DICER1: variants seen among roughly 807,000 people sequenced by gnomAD.
The protein encoded by DICER1 is endoribonuclease Dicer.
DICER1 carries 43 observed loss-of-function variants against 194.1 expected under a neutral mutation model. That is an observed-to-expected ratio of 0.22 (90% CI 0.17 to 0.29). The LOEUF is 0.29. DICER1 is among the 10% of genes least tolerant of loss of function. DICER1 has a pLI of 1.00. For missense variants in DICER1, 1,608 were observed against 2,317.0 expected (o/e 0.69, Z 6.28); for synonymous variants, 832 against 820.5 (o/e 1.01, Z -0.24).
chr14:95,129,837 C>T lies in DICER1; in HGVS notation c.574-205G>A, dbSNP rs929290166. Among the ~76,000 whole-genome samples, 8 of 152,030 alleles carry T rather than the reference C, an allele frequency of 5.3e-5. No homozygotes were observed. In the South Asian group the frequency reaches 1.0e-3, roughly 20 times the overall value. On this transcript the variant is annotated intron_variant, in intron 5 of 26. Transcript: ENST00000343455. The stretch of plus-strand genomic sequence containing the variant: ...TTAAAAGATCTGTTTTTCAAAAAGG[C>T]TCAATTAGATACACTATGAAAATTA...
chr14:95,090,781 AG>A, intron 26 of DICER1, 118 bp from the exon 27 acceptor site: 1 of 1,274,034 alleles, frequency 7.8e-7, no homozygotes, highest in Non-Finnish European at 1.1e-6. Context: ...CACCACACAA[AG>A]GAAACACGCG....
rs1169107781 is a variant in DICER1, at chr14:95,090,467, T to G, written c.*31A>C. 6.2e-7 allele frequency: 1 copy of G among 1,611,800 alleles called. No homozygotes were observed. Among genetic ancestry groups the G allele is most frequent in the Admixed American group, 1.7e-5 (1 of 60,030 alleles). On this transcript the variant is annotated 3_prime_UTR_variant, in exon 27 of 27. Transcript: ENST00000343455. Reference sequence around the variant, plus strand: ...ATTTTCCCCTTAATTTTTTTTGTTTTGTTTCTTGTTTTGAATTTTAAAAAG... The same window carrying G: ...ATTTTCCCCTTAATTTTTTTTGTTTGGTTTCTTGTTTTGAATTTTAAAAAG...
At chr14:95,108,951 AT>A (rs2140039288) in intron 14 of DICER1, among the ~76,000 whole-genome samples, 1 of 152,324 alleles carries the variant, frequency 6.6e-6, no homozygotes, top group South Asian at 2.1e-4. Flanking sequence ...CTTTATTAAC[AT>A]TTTGATACAC....
intron 1 of DICER1, among the ~76,000 whole-genome samples, chr14:95,146,240 C>G (rs1198362661): frequency 6.6e-6 from 1 of 152,210 alleles, no homozygotes; most frequent in East Asian, 1.9e-4. Context: ...CCAGATAAAT[C>G]CAGGGACCGG....
At position 95,133,421 on chromosome 14, in the gene DICER1, C is replaced by CAACCTGCCATG. The variant is rs747934696; in HGVS notation, c.37_38insCATGGCAGGTT (p.Gly13AlafsTer9). On this transcript the variant is annotated frameshift_variant, in exon 2 of 27. Coordinates refer to ENST00000343455, the MANE Select transcript of DICER1 (RefSeq NM_177438.3). LOFTEE classifies it high-confidence loss of function. ...GGAAGCAGGGGTCATGAGCTGCAGG[C>CAACCTGCCATG]CTGCCATGCTGAGGGGTTGCAAAGC... 6.2e-7 allele frequency: 1 copy of CAACCTGCCATG among 1,613,988 alleles called. No individual in the cohort carries two copies. The highest frequency in any genetic ancestry group is 1.7e-5 in the Admixed American group (1 of 59,992).
chr14:95,108,593 T>C (rs1159271206), intron 14 of DICER1, 90 bp from the exon 15 acceptor site: 27 of 1,186,070 alleles, frequency 2.3e-5, no homozygotes, highest in Non-Finnish European at 3.3e-5. Context: ...ATTCTGGCTT[T>C]ACTAAAAGCT....
intron 1 of DICER1, among the ~76,000 whole-genome samples, chr14:95,147,563 C>CA (rs993977465): frequency 1.3e-5 from 2 of 152,228 alleles, no homozygotes; most frequent in Non-Finnish European, 2.9e-5. Context: ...CCTTTGTTCT[C>CA]ACACACCACA....
chr14:95,150,827 T>C (rs1192570715), intron 1 of DICER1, among the ~76,000 whole-genome samples: 2 of 152,230 alleles, frequency 1.3e-5, no homozygotes, highest in East Asian at 1.9e-4. Flanking sequence ...ATACCTAATG[T>C]AGTTTTCCTA....
At chr14:95,122,834 T>C (rs1464595557) in intron 8 of DICER1, among the ~76,000 whole-genome samples, 4 of 152,192 alleles carry the variant, frequency 2.6e-5, no homozygotes, top group African/African-American at 9.7e-5. Context: ...GACTAAAAAC[T>C]GCCAGATGAT....
intron 1 of DICER1, among the ~76,000 whole-genome samples, chr14:95,144,462 G>A (rs928404748): frequency 6.6e-6 from 1 of 152,046 alleles, no homozygotes; most frequent in Non-Finnish European, 1.5e-5. Context: ...TGACTATTAC[G>A]AGGATTACAC....
chr14:95,103,976 G>A lies in DICER1; in HGVS notation c.3420C>T (p.Thr1140=), dbSNP rs1891170537. The change falls in exon 21 of 27, where the codon ACC becomes ACT. Residue 1140 remains threonine (T), a synonymous_variant. Transcript: ENST00000343455. ...TTTGGTCATGATTTTCTAGAGAGGA[G>A]GTTCTATTAGCACCTTGATGTGCAG... ...ENAAHQGANR[T]SSLENHDQMS... 1 of 1,614,002 alleles carries A rather than the reference G, an allele frequency of 6.2e-7. No homozygotes were observed. Among genetic ancestry groups the A allele is most frequent in the South Asian group, 1.1e-5 (1 of 91,078 alleles).
At chr14:95,115,850 T>G in intron 10 of DICER1, 29 bp from the exon 11 acceptor site, 1 of 1,611,476 alleles carries the variant, frequency 6.2e-7, no homozygotes, top group Non-Finnish European at 8.5e-7. Flanking sequence ...GAACTTATGA[T>G]GAAAACACAT....
At chr14:95,101,703 T>C (rs1214291875) in intron 21 of DICER1, among the ~76,000 whole-genome samples, 1 of 152,158 alleles carries the variant, frequency 6.6e-6, no homozygotes, top group Admixed American at 6.5e-5. Context: ...TGGGAGGCCT[T>C]GGACACACTC....
At chr14:95,143,037 C>T (rs970771190) in intron 1 of DICER1, among the ~76,000 whole-genome samples, 6 of 152,174 alleles carry the variant, frequency 3.9e-5, no homozygotes, top group Non-Finnish European at 8.8e-5. Flanking sequence ...GATTTCATTC[C>T]TACTCTCACA....
chr14:95,121,708 C>T (rs755333261), intron 8 of DICER1, among the ~76,000 whole-genome samples: 1 of 152,168 alleles, frequency 6.6e-6, no homozygotes, highest in African/African-American at 2.4e-5. Flanking sequence ...GAAGGTCACA[C>T]ACTGATGCTT....
chr14:95,090,886 G>C lies in DICER1; in HGVS notation c.5603+148C>G, dbSNP rs978444727. 40 of 970,314 alleles carry C rather than the reference G, an allele frequency of 4.1e-5. 1 individual carries two copies. The highest frequency in any genetic ancestry group is 6.4e-4 in the Middle Eastern group (2 of 3,122). The allele number at this position is 970,314 out of a possible 1,614,324, so 60.1% of individuals were successfully genotyped here. Reference sequence around the variant, plus strand: ...TTCATAAAAACAGAAGGAAAAAAGAGAAGTCAATCAGATTACAAACAGAAA... The same window carrying C: ...TTCATAAAAACAGAAGGAAAAAAGACAAGTCAATCAGATTACAAACAGAAA... On this transcript the variant is annotated intron_variant, in intron 26 of 26. Coordinates refer to ENST00000343455, the MANE Select transcript of DICER1 (RefSeq NM_177438.3).
Position 95,090,125 on chromosome 14 carries a change from T to G in DICER1, c.*373A>C. 2 of 388,908 alleles carry G rather than the reference T, an allele frequency of 5.1e-6. No homozygotes were observed. Among genetic ancestry groups the G allele is most frequent in the Non-Finnish European group, 9.5e-6 (2 of 210,566 alleles). The allele number at this position is 388,908 out of a possible 1,614,324, so 24.1% of individuals were successfully genotyped here. ...ACATCATCCTAGGGACTGCTGGAGG[T>G]TTAAGCTCCATGGCCTTCTAACACT... On this transcript the variant is annotated 3_prime_UTR_variant, in exon 27 of 27. Transcript: ENST00000343455.
At chr14:95,130,005 G>A (rs1314876456) in intron 5 of DICER1, 53 bp downstream of exon 5, 7 of 1,562,394 alleles carry the variant, frequency 4.5e-6, no homozygotes, top group African/African-American at 2.7e-5. Context: ...ACAAAAATCT[G>A]CATTTACTCA....
intron 1 of DICER1, among the ~76,000 whole-genome samples, chr14:95,147,302 C>T (rs992022732): frequency 2.0e-5 from 3 of 152,114 alleles, no homozygotes; most frequent in African/African-American, 7.2e-5. Context: ...CCCATCTCTA[C>T]TAAAAATATA....
Sources: gnomAD v4.1 joint callset for allele counts (sites outside exome capture counted in the v4.1 genomes callset) on GRCh38, gnomAD v4.1.1 for gene constraint, MANE v1.5 for transcripts, NCBI Gene and HGNC (gene_info 2026-07-23, HGNC 2026-07-21) for gene names.